The following FBXL13 variants were observed in gnomAD, a reference collection of about 807,000 sequenced individuals.
The protein encoded by FBXL13 is F-box and leucine-rich repeat protein 13.
Under a neutral mutation model 83.6 loss-of-function variants are expected in FBXL13, and 67 were observed. The observed-to-expected ratio is 0.80, with a 90% CI of 0.66 to 0.98. The LOEUF (loss-of-function observed/expected upper bound fraction) is 0.98, where lower values mean the gene tolerates loss of function less well. Among genes scored for constraint, FBXL13 ranks in the 50% least tolerant of loss-of-function variants. The pLI is 0.00. For synonymous variants in FBXL13, 272 were observed against 299.5 expected (o/e 0.91, Z 0.95); for missense variants, 822 against 866.5 (o/e 0.95, Z 0.64).
At chr7:102,966,978 GT>G (rs923140312) in intron 7 of FBXL13, among the ~76,000 whole-genome samples, 14 of 147,200 alleles carry the variant, frequency 9.5e-5, no homozygotes, top group African/African-American at 3.2e-4. Context: ...TGGTTTTTTT[GT>G]TTTTTTTTTG....
intron 1 of FBXL13, among the ~76,000 whole-genome samples, chr7:103,060,851 C>T (rs994775241): frequency 6.6e-6 from 1 of 152,154 alleles, no homozygotes; most frequent in African/African-American, 2.4e-5. Flanking sequence ...CTTCCATTTC[C>T]CTATCCCCTA....
chr7:103,029,364 T>G (rs571443063), exon 3 of FBXL13: 1 of 1,548,468 alleles, frequency 6.5e-7, no homozygotes, highest in East Asian at 2.4e-5. Context: ...AAATGAGTCT[T>G]TACTAAATGT....
intron 17 of FBXL13, among the ~76,000 whole-genome samples, chr7:102,852,661 T>C (rs987400988): frequency 1.3e-5 from 2 of 152,196 alleles, no homozygotes; most frequent in African/African-American, 4.8e-5. Flanking sequence ...CCTGCAAGAC[T>C]GGCCATAATC....
At chr7:102,860,155 C>T (rs1028062315) in intron 16 of FBXL13, among the ~76,000 whole-genome samples, 1 of 152,112 alleles carries the variant, frequency 6.6e-6, no homozygotes, top group Non-Finnish European at 1.5e-5. Flanking sequence ...TCCTATGCAA[C>T]AGAATTAAAT....
intron 16 of FBXL13, among the ~76,000 whole-genome samples, chr7:102,870,326 T>C (rs529941448): frequency 1.3e-5 from 2 of 152,320 alleles, no homozygotes; most frequent in African/African-American, 4.8e-5. Context: ...ATATGATTTA[T>C]GTTTTCTTAA....
intron 8 of FBXL13, among the ~76,000 whole-genome samples, chr7:102,961,375 AG>A (rs1372708676): frequency 6.6e-6 from 1 of 150,890 alleles, no homozygotes; most frequent in East Asian, 2.0e-4. Flanking sequence ...GCTCATGGGT[AG>A]GAAGAATCAA....
intron 11 of FBXL13, among the ~76,000 whole-genome samples, chr7:102,899,999 A>G (rs971460880): frequency 3.9e-5 from 6 of 151,942 alleles, no homozygotes; most frequent in Admixed American, 2.0e-4. Flanking sequence ...GTGAACCGAG[A>G]TCACACCACT....
intron 19 of FBXL13, among the ~76,000 whole-genome samples, chr7:102,819,202 A>G (rs1344012625): frequency 3.9e-5 from 6 of 151,960 alleles, no homozygotes; most frequent in Non-Finnish European, 8.8e-5. Flanking sequence ...GCCTTTCCCC[A>G]CAGAGGGCCA....
intron 19 of FBXL13, among the ~76,000 whole-genome samples, chr7:102,818,755 A>G (rs1235204171): frequency 6.6e-6 from 1 of 151,208 alleles, no homozygotes; most frequent in Non-Finnish European, 1.5e-5. Context: ...AGATAGAAAT[A>G]TATCAAAAGT....
rs139352298 is a variant in FBXL13, at chr7:102,899,625, C to T, written c.1008+13461G>A. On this transcript the variant is annotated intron_variant, in intron 11 of 19. Transcript: ENST00000313221. ...CATGCCCTTCCTGGACAAATCTTAACCCCTGAAGATGGAATTTATGATTGA... is the reference window on the plus strand; with the variant it reads ...CATGCCCTTCCTGGACAAATCTTAATCCCTGAAGATGGAATTTATGATTGA... 7.4e-4 allele frequency among the ~76,000 whole-genome samples: 113 copies of T among 152,274 alleles called. 1 individual carries two copies. Among genetic ancestry groups the T allele is most frequent in the African/African-American group, 2.6e-3 (109 of 41,548 alleles).
intron 18 of FBXL13, among the ~76,000 whole-genome samples, chr7:102,829,930 A>G (rs1409885765): frequency 6.6e-6 from 1 of 152,130 alleles, no homozygotes; most frequent in Admixed American, 6.5e-5. Context: ...GGTCCAGATG[A>G]TGGTCCCCAC....
chr7:103,018,406 ACT>A lies in FBXL13; in HGVS notation c.495+6655_495+6656del, dbSNP rs1207692443. On this transcript the variant is annotated intron_variant, in intron 6 of 19. Coordinates refer to ENST00000313221, the Ensembl canonical transcript of FBXL13. Reference sequence around the variant, plus strand: ...GAAAAACCATCGATGTTAGAAAGAAACTGCATCAACTAATGAGCAAAATAACC... The same window carrying A: ...GAAAAACCATCGATGTTAGAAAGAAAGCATCAACTAATGAGCAAAATAACC... Among the ~76,000 whole-genome samples the A allele has an allele frequency of 5.9e-5, 9 of 152,236 alleles. 1 individual carries two copies. The highest frequency in any genetic ancestry group is 1.3e-4 in the Non-Finnish European group (9 of 68,036).
At chr7:103,014,584 G>A (rs144827395) in intron 6 of FBXL13, among the ~76,000 whole-genome samples, 1,671 of 152,118 alleles carry the variant, frequency 0.011, 34 homozygotes, top group African/African-American at 0.039. Flanking sequence ...GAAAACTTCA[G>A]GCCAATATCC....
intron 14 of FBXL13, among the ~76,000 whole-genome samples, chr7:102,878,947 GGAA>G (rs1290685306): frequency 6.6e-6 from 1 of 152,212 alleles, no homozygotes. Context: ...ACCTGATGCT[GGAA>G]GAAGACCTTG....
chr7:102,960,065 G>T (rs549966563), intron 8 of FBXL13, among the ~76,000 whole-genome samples: 1 of 152,082 alleles, frequency 6.6e-6, no homozygotes, highest in South Asian at 2.1e-4. Flanking sequence ...TTTGAGGGAA[G>T]TGAAAAAAGA....
intron 11 of FBXL13, among the ~76,000 whole-genome samples, chr7:102,903,945 T>TTTTTC (rs1563068172): frequency 7.0e-5 from 10 of 142,776 alleles, no homozygotes; most frequent in East Asian, 2.0e-4. Context: ...TTTTCTTTTT[T>TTTTTC]TTTTTTTTTT....
At chr7:102,883,574 A>G in exon 13 of FBXL13, 2 of 1,606,852 alleles carry the variant, frequency 1.2e-6, no homozygotes, top group South Asian at 1.1e-5. Context: ...AGACCTTCAA[A>G]TCGGATCTTT....
chr7:102,871,260 C>T lies in FBXL13; in HGVS notation c.1635+6207G>A, dbSNP rs116611643. On this transcript the variant is annotated intron_variant, in intron 16 of 19. Coordinates refer to ENST00000313221, the Ensembl canonical transcript of FBXL13. ...CCAATCCTTTGGCCTGAATATCCCA[C>T]AGATTCTAACTCAATCTGATAAAAC... 3.3e-3 allele frequency among the ~76,000 whole-genome samples: 496 copies of T among 152,270 alleles called. 3 individuals carry two copies. The highest frequency in any genetic ancestry group is 0.012 in the African/African-American group (486 of 41,546).
upstream of FBXL13, chr7:103,074,630 T>C: frequency 7.9e-7 from 1 of 1,265,948 alleles, no homozygotes; most frequent in Non-Finnish European, 1.0e-6. Context: ...GGGAAGTCTT[T>C]CCTGACTCCT....
Sources: gnomAD v4.1 joint callset for allele counts (sites outside exome capture counted in the v4.1 genomes callset) on GRCh38, gnomAD v4.1.1 for gene constraint, MANE v1.5 for transcripts, NCBI Gene and HGNC (gene_info 2026-07-23, HGNC 2026-07-21) for gene names.